Variants in ESRRG observed in about 807,000 individuals in gnomAD.
ESRRG encodes the protein estrogen related receptor gamma, also known as estrogen-related receptor gamma.
ESRRG carries 13 observed loss-of-function variants against 44.0 expected under a neutral mutation model. The observed-to-expected ratio is 0.30, with a 90% CI of 0.19 to 0.47. The LOEUF (loss-of-function observed/expected upper bound fraction) is 0.47. Among genes scored for constraint, ESRRG ranks in the 20% least tolerant of loss-of-function variants. The probability of loss-of-function intolerance (pLI) is 1.00; values close to 1 mark genes in which losing one functional copy is unlikely to be tolerated. For missense variants in ESRRG, 395 were observed against 580.6 expected, an observed-to-expected ratio of 0.68 and a Z score of 3.29; for synonymous variants, 215 against 214.6, an observed-to-expected ratio of 1.00 and a Z score of -0.02.
chr1:217,043,297 C>T (rs1257683693), intron 1 of ESRRG, among the ~76,000 whole-genome samples: 3 of 152,132 alleles, frequency 2.0e-5, no homozygotes, highest in Non-Finnish European at 4.4e-5. Flanking sequence ...AGATGCTTTC[C>T]ATAAATGGAA....
intron 1 of ESRRG, among the ~76,000 whole-genome samples, chr1:217,002,768 A>G (rs1264192409): frequency 1.3e-5 from 2 of 152,302 alleles, no homozygotes; most frequent in African/African-American, 2.4e-5. Flanking sequence ...TTTGCCAGCC[A>G]TATGAGCAAG....
intron 2 of ESRRG, among the ~76,000 whole-genome samples, chr1:216,917,163 T>C (rs1309301673): frequency 6.6e-6 from 1 of 151,036 alleles, no homozygotes; most frequent in East Asian, 1.9e-4. Context: ...ACTTTCTTTT[T>C]TTTTTTTTTT....
intron 2 of ESRRG, among the ~76,000 whole-genome samples, chr1:216,659,325 A>G (rs533342650): frequency 6.6e-6 from 1 of 152,340 alleles, no homozygotes; most frequent in East Asian, 1.9e-4. Flanking sequence ...ACTTCTAGGC[A>G]GAATATTTAG....
intron 1 of ESRRG, among the ~76,000 whole-genome samples, chr1:217,064,784 C>T (rs1422692157): frequency 6.6e-6 from 1 of 152,160 alleles, no homozygotes; most frequent in African/African-American, 2.4e-5. Context: ...TGGCTGTCCT[C>T]TGAATCAGAA....
At chr1:217,032,380 C>G (rs1199056707) in intron 1 of ESRRG, among the ~76,000 whole-genome samples, 1 of 152,044 alleles carries the variant, frequency 6.6e-6, no homozygotes, top group Non-Finnish European at 1.5e-5. Flanking sequence ...CCAGTTACTT[C>G]TAGTGGAGGA....
chr1:217,119,591 G>A lies in ESRRG; in HGVS notation c.-230+18076C>T, dbSNP rs187812578. ...AATTTCATTTTGTCCTGCAGCATAA[G>A]GGCATAGTTTGTTTTTCTAGCATGA... On this transcript the variant is annotated intron_variant, in intron 1 of 8. Transcript: ENST00000366940. 1.7e-3 allele frequency among the ~76,000 whole-genome samples: 264 copies of A among 152,300 alleles called. 1 individual carries two copies. Among genetic ancestry groups the A allele is most frequent in the African/African-American group, 6.1e-3 (254 of 41,568 alleles).
intron 6 of ESRRG, among the ~76,000 whole-genome samples, chr1:216,508,518 A>G (rs557122718): frequency 2.0e-5 from 3 of 152,316 alleles, no homozygotes; most frequent in African/African-American, 7.2e-5. Context: ...AATAGCATTG[A>G]TAGTGGTTCC....
intron 5 of ESRRG, among the ~76,000 whole-genome samples, chr1:216,525,671 A>G (rs1002300978): frequency 6.6e-6 from 1 of 152,198 alleles, no homozygotes; most frequent in Non-Finnish European, 1.5e-5. Flanking sequence ...AGGACTCTAA[A>G]AAATATATTT....
intron 3 of ESRRG, among the ~76,000 whole-genome samples, chr1:216,626,908 T>A (rs1376067474): frequency 6.6e-6 from 1 of 152,186 alleles, no homozygotes; most frequent in Admixed American, 6.5e-5. Flanking sequence ...TGTAAGTTAT[T>A]CCATGGAGCT....
rs144848582 is a variant in ESRRG, at chr1:216,506,516, A to AT, written c.*422dup. Reference sequence around the variant, plus strand: ...AGGGAAAGGAAAGGGGGAAGGGAGGATTTTTTTTTAAACTAAAGCTATTTC... The same window carrying AT: ...AGGGAAAGGAAAGGGGGAAGGGAGGATTTTTTTTTTAAACTAAAGCTATTTC... On this transcript the variant is annotated 3_prime_UTR_variant, in exon 7 of 7. Coordinates refer to ENST00000408911, the MANE Select transcript of ESRRG (RefSeq NM_001438.4). The AT allele has an allele frequency of 0.36, 136,830 of 380,764 alleles. 22,516 individuals carry two copies. The highest frequency in any genetic ancestry group is 0.56 in the East Asian group (6,788 of 12,018). The allele number at this position is 380,764 out of a possible 1,614,324, so 23.6% of individuals were successfully genotyped here. A position where few individuals can be genotyped will look rare whatever the true frequency, so the allele number is the denominator to read the frequency against.
chr1:216,726,740 A>G (rs2087605556), upstream of ESRRG, among the ~76,000 whole-genome samples: 1 of 152,114 alleles, frequency 6.6e-6, no homozygotes, highest in Non-Finnish European at 1.5e-5. Context: ...GTGTATGCAT[A>G]GTTTCAATCT....
chr1:216,720,677 A>G (rs369864366), intron 1 of ESRRG, among the ~76,000 whole-genome samples: 1 of 152,110 alleles, frequency 6.6e-6, no homozygotes, highest in South Asian at 2.1e-4. Context: ...ATTAGTATAG[A>G]TTTTAAAAAG....
intron 2 of ESRRG, among the ~76,000 whole-genome samples, chr1:216,856,776 T>C (rs899180876): frequency 6.6e-6 from 1 of 152,150 alleles, no homozygotes; most frequent in Non-Finnish European, 1.5e-5. Flanking sequence ...TGCAAAGAGA[T>C]AGTTTACAGT....
chr1:216,554,357 G>C (rs970424589), intron 5 of ESRRG, among the ~76,000 whole-genome samples: 1 of 151,996 alleles, frequency 6.6e-6, no homozygotes, highest in African/African-American at 2.4e-5. Context: ...TGCAGGCTGA[G>C]GCAGGAGAAT....
chr1:216,717,767 T>C (rs538405926), intron 1 of ESRRG, among the ~76,000 whole-genome samples: 41 of 151,908 alleles, frequency 2.7e-4, no homozygotes, highest in Middle Eastern at 3.4e-3. Context: ...AATATAATAC[T>C]TATAGTTTTA....
At position 216,516,636 on chromosome 1, in the gene ESRRG, T is replaced by TACACACACACACACACACACACAC. The variant is rs779496209; in HGVS notation, c.1132+2492_1132+2515dup. On this transcript the variant is annotated intron_variant, in intron 6 of 6. Transcript: ENST00000408911. ...TCTGGAATTCCTAAACACACACACA[T>TACACACACACACACACACACACAC]ACACACACACACACACACACACACA... 2.2e-3 allele frequency among the ~76,000 whole-genome samples: 293 copies of TACACACACACACACACACACACAC among 130,410 alleles called. 4 individuals are homozygous for TACACACACACACACACACACACAC. Among genetic ancestry groups the TACACACACACACACACACACACAC allele is most frequent in the South Asian group, 5.0e-3 (18 of 3,608 alleles). 85.6% of individuals were successfully genotyped at this position (130,410 alleles called of 152,430 possible). A position where few individuals can be genotyped will look rare whatever the true frequency, so the allele number is the denominator to read the frequency against.
intron 1 of ESRRG, among the ~76,000 whole-genome samples, chr1:216,719,780 A>G (rs1468164908): frequency 6.6e-6 from 1 of 152,062 alleles, no homozygotes; most frequent in Admixed American, 6.6e-5. Flanking sequence ...TTTGCTAATA[A>G]CATGGGTTAA....
chr1:216,931,060 G>A (rs1421162085), intron 2 of ESRRG, among the ~76,000 whole-genome samples: 1 of 152,190 alleles, frequency 6.6e-6, no homozygotes, highest in East Asian at 1.9e-4. Context: ...TTATTCTAGT[G>A]TGGCTGATGT....
intron 6 of ESRRG, among the ~76,000 whole-genome samples, chr1:216,517,792 A>G (rs1306169716): frequency 6.6e-6 from 1 of 152,178 alleles, no homozygotes; most frequent in Non-Finnish European, 1.5e-5. Context: ...GTCATTTGTC[A>G]TAAGAAATCA....
Sources: allele counts gnomAD v4.1 joint callset (sites outside exome capture counted in the v4.1 genomes callset), GRCh38; gene constraint gnomAD v4.1.1; transcripts MANE v1.5; gene names NCBI Gene and HGNC (gene_info 2026-07-23, HGNC 2026-07-21).